AMPH: variants seen among roughly 807,000 people sequenced by gnomAD.
AMPH encodes the protein amphiphysin, also known as amphiphysin (Stiff-Mann syndrome with breast cancer 128kD autoantigen).
A neutral mutation model predicts 99.1 loss-of-function variants in AMPH; 49 were observed. The observed-to-expected ratio is 0.49, with a 90% CI of 0.39 to 0.63. The LOEUF (loss-of-function observed/expected upper bound fraction) is 0.63, where lower values mean the gene tolerates loss of function less well. Among genes scored for constraint, AMPH ranks in the 20% least tolerant of loss-of-function variants. AMPH has a pLI of 0.00. For missense variants in AMPH, 759 were observed against 863.4 expected, an observed-to-expected ratio of 0.88 and a Z score of 1.52; for synonymous variants, 314 against 317.3, an observed-to-expected ratio of 0.99 and a Z score of 0.11.
intron 1 of AMPH, among the ~76,000 whole-genome samples, chr7:38,571,275 ATATTT>A (rs1432907998): frequency 5.5e-5 from 3 of 54,382 alleles, no homozygotes; most frequent in Admixed American, 3.1e-4. Flanking sequence ...ATTTATATAT[ATATTT>A]TTATATATAT....
At chr7:38,467,807 CAG>C (rs756159008) in intron 7 of AMPH, among the ~76,000 whole-genome samples, 1 of 151,866 alleles carries the variant, frequency 6.6e-6, no homozygotes, top group African/African-American at 2.4e-5. Context: ...TGGGCAGAAA[CAG>C]AGAAACTGAG....
intron 1 of AMPH, among the ~76,000 whole-genome samples, chr7:38,620,018 G>A (rs947116529): frequency 3.3e-5 from 5 of 152,080 alleles, no homozygotes; most frequent in African/African-American, 9.7e-5. Context: ...ATTAAGTTGG[G>A]AGATCCTCCC....
chr7:38,596,598 C>T (rs1190004007), intron 1 of AMPH, among the ~76,000 whole-genome samples: 3 of 152,108 alleles, frequency 2.0e-5, no homozygotes, highest in Non-Finnish European at 4.4e-5. Context: ...TTCATGTTTG[C>T]CTGATGCAGT....
At chr7:38,483,979 T>C (rs1788391578) in intron 5 of AMPH, among the ~76,000 whole-genome samples, 1 of 151,276 alleles carries the variant, frequency 6.6e-6, no homozygotes, top group African/African-American at 2.4e-5. Context: ...AACTGAAAAA[T>C]TCACTGGGGG....
intron 2 of AMPH, among the ~76,000 whole-genome samples, chr7:38,511,646 G>A (rs1280151617): frequency 6.6e-6 from 1 of 152,106 alleles, no homozygotes; most frequent in African/African-American, 2.4e-5. Context: ...GTTTTCTCAC[G>A]TAAAACAGAA....
Position 38,462,966 on chromosome 7 carries a change from T to A in AMPH, c.888+9A>T. The A allele has an allele frequency of 6.5e-7, 1 of 1,543,146 alleles. No homozygotes were observed. The highest frequency in any genetic ancestry group is 1.3e-5 in the South Asian group (1 of 79,338). On this transcript the variant is annotated intron_variant, in intron 10 of 20. Coordinates refer to ENST00000356264, the MANE Select transcript of AMPH (RefSeq NM_001635.4). ...GCTCTATCCCCCAATATATTTGACC[T>A]CTTCCTACCTGTGAAGGTGACCGAG...
intron 11 of AMPH, among the ~76,000 whole-genome samples, chr7:38,458,851 C>T (rs930584556): frequency 5.3e-5 from 8 of 152,198 alleles, no homozygotes; most frequent in South Asian, 4.1e-4. Context: ...CAATATAGCA[C>T]TGGAAGTCCT....
intron 11 of AMPH, among the ~76,000 whole-genome samples, chr7:38,450,053 T>A (rs562752894): frequency 6.6e-6 from 1 of 152,114 alleles, no homozygotes; most frequent in South Asian, 2.1e-4. Context: ...GACATAAGGG[T>A]AGAAAAGCCA....
intron 11 of AMPH, among the ~76,000 whole-genome samples, chr7:38,440,405 C>T (rs1198612830): frequency 6.6e-6 from 1 of 151,946 alleles, no homozygotes; most frequent in African/African-American, 2.4e-5. Flanking sequence ...ATACACACTA[C>T]AACTAATGTG....
chr7:38,432,587 T>TACACACAC (rs10556315), intron 12 of AMPH, among the ~76,000 whole-genome samples: 6,431 of 148,122 alleles, frequency 0.043, 172 homozygotes, highest in Middle Eastern at 0.11. Flanking sequence ...GTTATTTTAA[T>TACACACAC]ACACACACAC....
chr7:38,517,974 G>T (rs745809921), intron 2 of AMPH, among the ~76,000 whole-genome samples: 2 of 152,132 alleles, frequency 1.3e-5, no homozygotes, highest in Admixed American at 6.5e-5. Flanking sequence ...GAACAGTTTT[G>T]GGAGATAGGC....
chr7:38,598,291 T>C (rs575147409), intron 1 of AMPH, among the ~76,000 whole-genome samples: 26 of 152,192 alleles, frequency 1.7e-4, no homozygotes, highest in Middle Eastern at 3.4e-3. Flanking sequence ...TTGTTGTTGT[T>C]GTTTGTTTTT....
chr7:38,542,348 G>A (rs1430999169), intron 1 of AMPH, among the ~76,000 whole-genome samples: 2 of 152,160 alleles, frequency 1.3e-5, no homozygotes, highest in African/African-American at 4.8e-5. Context: ...CACAAACAGA[G>A]CACTGTCTCA....
chr7:38,422,911 T>C (rs1355838170), intron 15 of AMPH, among the ~76,000 whole-genome samples: 1 of 152,254 alleles, frequency 6.6e-6, no homozygotes, highest in Admixed American at 6.5e-5. Flanking sequence ...GGAGCCACCA[T>C]GCCTGGCCTC....
chr7:38,595,716 TCC>T (rs1793027726), intron 1 of AMPH, among the ~76,000 whole-genome samples: 2 of 152,190 alleles, frequency 1.3e-5, no homozygotes, highest in South Asian at 4.1e-4. Context: ...CAACCCAAGC[TCC>T]TACCCCCACC....
At chr7:38,546,362 T>G (rs1031262304) in intron 1 of AMPH, among the ~76,000 whole-genome samples, 1 of 152,200 alleles carries the variant, frequency 6.6e-6, no homozygotes, top group South Asian at 2.1e-4. Context: ...TGCTTTGATT[T>G]TCCACTTTAC....
Position 38,391,799 on chromosome 7 carries a change from T to C in AMPH, c.1827A>G (p.Leu609=). Residue 609 remains leucine, a synonymous_variant, in exon 19 of 21, where the codon CTA becomes CTG. Transcript: ENST00000356264. ...CCTGAGAGGCCTCCCTTGCAGATGCTAGCTGGTCAGCAGCCCCCATGGCTG... is the reference window on the plus strand; with the variant it reads ...CCTGAGAGGCCTCCCTTGCAGATGCCAGCTGGTCAGCAGCCCCCATGGCTG... The part of the protein sequence containing the change: ...SAPAMGAADQ[L]ASAREASQEL... The C allele has an allele frequency of 1.2e-6, 2 of 1,613,916 alleles. No homozygotes were observed. Among genetic ancestry groups the C allele is most frequent in the Non-Finnish European group, 1.7e-6 (2 of 1,179,988 alleles).
Position 38,482,653 on chromosome 7 carries a change from C to G in AMPH, c.397-5684G>C, listed in dbSNP as rs191129434. ...ATACTAAGTTTTTGTTCCTGAAACT[C>G]AAAAAACTTTCAGATGTTTGCTTCT... is the stretch of plus-strand genomic sequence containing the variant. On this transcript the variant is annotated intron_variant, in intron 5 of 20. Coordinates refer to ENST00000356264, the MANE Select transcript of AMPH (RefSeq NM_001635.4). Among the ~76,000 whole-genome samples, 17 of 152,156 alleles carry G rather than the reference C, an allele frequency of 1.1e-4. No homozygotes were observed. In the East Asian group the frequency reaches 2.5e-3, roughly 22 times the overall value.
intron 20 of AMPH, among the ~76,000 whole-genome samples, chr7:38,385,939 T>G (rs976332566): frequency 2.0e-5 from 3 of 152,192 alleles, no homozygotes; most frequent in African/African-American, 7.2e-5. Context: ...CCAGTTCAGA[T>G]GAGGGATGGC....
Sources: allele counts gnomAD v4.1 joint callset (sites outside exome capture counted in the v4.1 genomes callset), GRCh38; gene constraint gnomAD v4.1.1; transcripts MANE v1.5; gene names NCBI Gene and HGNC (gene_info 2026-07-23, HGNC 2026-07-21).